CDH18: variants seen among roughly 807,000 people sequenced by gnomAD.
CDH18 encodes the protein cadherin 18.
CDH18 carries 31 observed loss-of-function variants against 67.9 expected under a neutral mutation model. That is an observed-to-expected ratio of 0.46 (90% CI 0.34 to 0.62). CDH18 has a LOEUF of 0.62. CDH18 is among the 20% of genes least tolerant of loss of function. The probability of loss-of-function intolerance (pLI) is 0.01; values close to 1 mark genes in which losing one functional copy is unlikely to be tolerated. For missense variants in CDH18, 890 were observed against 975.5 expected (o/e 0.91, Z 1.17); for synonymous variants, 362 against 347.2 (o/e 1.04, Z -0.48).
chr5:19,826,258 G>T (rs1780394040), intron 3 of CDH18, among the ~76,000 whole-genome samples: 1 of 152,114 alleles, frequency 6.6e-6, no homozygotes, highest in African/African-American at 2.4e-5. Context: ...TGACTCAGTG[G>T]CTCGCTGAAA....
intron 9 of CDH18, among the ~76,000 whole-genome samples, chr5:19,524,583 T>C (rs1747440395): frequency 6.6e-6 from 1 of 152,066 alleles, no homozygotes; most frequent in Non-Finnish European, 1.5e-5. Context: ...ACTACATACA[T>C]ATATATTTTC....
chr5:19,758,198 C>T (rs926733932), intron 3 of CDH18, among the ~76,000 whole-genome samples: 1 of 152,146 alleles, frequency 6.6e-6, no homozygotes, highest in Non-Finnish European at 1.5e-5. Flanking sequence ...GTGTATGACC[C>T]ACTTTATGGC....
chr5:20,013,442 C>T (rs1420074815), intron 2 of CDH18, among the ~76,000 whole-genome samples: 2 of 152,024 alleles, frequency 1.3e-5, no homozygotes, highest in African/African-American at 2.4e-5. Flanking sequence ...TAGGGCTTGA[C>T]TTATGAGGTT....
At chr5:20,538,494 C>A (rs951295035) in intron 1 of CDH18, among the ~76,000 whole-genome samples, 43 of 152,142 alleles carry the variant, frequency 2.8e-4, no homozygotes, top group Non-Finnish European at 7.3e-5. Flanking sequence ...GAATAACAAG[C>A]TGCTCAGTAG....
intron 2 of CDH18, among the ~76,000 whole-genome samples, chr5:20,121,803 C>G (rs1011487582): frequency 6.6e-6 from 1 of 152,088 alleles, no homozygotes; most frequent in Non-Finnish European, 1.5e-5. Context: ...GAATTTCTGC[C>G]TTTCTTCTGT....
At chr5:20,283,245 A>C (rs1746424685) in intron 1 of CDH18, among the ~76,000 whole-genome samples, 1 of 152,144 alleles carries the variant, frequency 6.6e-6, no homozygotes, top group East Asian at 1.9e-4. Context: ...CAAAGCAAAA[A>C]TGGGCAAATG....
intron 1 of CDH18, among the ~76,000 whole-genome samples, chr5:20,328,848 C>T (rs1212978925): frequency 6.6e-6 from 1 of 152,106 alleles, no homozygotes; most frequent in African/African-American, 2.4e-5. Context: ...GCACATAGTG[C>T]CTTGTGCCTG....
In CDH18 at chr5:20,050,479, G is replaced by A. The variant is rs113300117; in HGVS notation, c.-517-58465C>T. On this transcript the variant is annotated intron_variant, in intron 2 of 14. Coordinates refer to the CDH18 transcript ENST00000507958. The stretch of plus-strand genomic sequence containing the variant: ...AAGTCAATGGTTTACAAATGTTTAA[G>A]CTCACATTGTAGTTATTTTTGAAAT... Among the ~76,000 whole-genome samples the A allele has an allele frequency of 3.0e-4, 45 of 151,866 alleles. 1 individual carries two copies. The highest frequency in any genetic ancestry group is 1.0e-3 in the African/African-American group (43 of 41,502).
chr5:20,125,896 A>G (rs1748779449), intron 2 of CDH18, among the ~76,000 whole-genome samples: 1 of 152,282 alleles, frequency 6.6e-6, no homozygotes, highest in South Asian at 2.1e-4. Flanking sequence ...CCCCAAAGCC[A>G]TCTACCAATT....
intron 2 of CDH18, among the ~76,000 whole-genome samples, chr5:20,103,880 C>T (rs941573772): frequency 1.6e-4 from 24 of 150,694 alleles, no homozygotes; most frequent in African/African-American, 5.8e-4. Flanking sequence ...GAAGGTTAAC[C>T]TGTACTACCC....
intron 1 of CDH18, among the ~76,000 whole-genome samples, chr5:20,482,101 A>G (rs940114814): frequency 6.6e-6 from 1 of 151,920 alleles, no homozygotes; most frequent in African/African-American, 2.4e-5. Context: ...ATGGAAAAGG[A>G]GACATTACGA....
intron 2 of CDH18, among the ~76,000 whole-genome samples, chr5:20,066,652 T>A (rs546761824): frequency 6.6e-6 from 1 of 152,082 alleles, no homozygotes; most frequent in East Asian, 1.9e-4. Context: ...TGAACAAATA[T>A]AATAATAAAT....
intron 1 of CDH18, among the ~76,000 whole-genome samples, chr5:20,351,189 T>C (rs57500112): frequency 0.022 from 3,224 of 144,108 alleles, 69 homozygotes; most frequent in African/African-American, 0.057. Context: ...TGTGTGTGTG[T>C]GTGCGTGTGT....
At chr5:19,585,468 T>C (rs1744004895) in intron 7 of CDH18, among the ~76,000 whole-genome samples, 1 of 152,190 alleles carries the variant, frequency 6.6e-6, no homozygotes, top group Admixed American at 6.5e-5. Flanking sequence ...TGCTTCTATC[T>C]TCTGTCCTAT....
At chr5:19,798,833 C>T (rs949375949) in intron 3 of CDH18, among the ~76,000 whole-genome samples, 1 of 151,868 alleles carries the variant, frequency 6.6e-6, no homozygotes, top group African/African-American at 2.4e-5. Flanking sequence ...GACATGATAA[C>T]ATATCTTTGG....
intron 3 of CDH18, among the ~76,000 whole-genome samples, chr5:19,787,809 T>TTATATATATATATATATATATATATA (rs35850823): frequency 1.0e-3 from 151 of 144,284 alleles, no homozygotes; most frequent in Non-Finnish European, 1.5e-3. Flanking sequence ...TAATTTACAG[T>TTATATATATATATATATATATATATA]TATATATATA....
chr5:20,160,216 C>A (rs954974084), intron 2 of CDH18, among the ~76,000 whole-genome samples: 2 of 152,146 alleles, frequency 1.3e-5, no homozygotes, highest in African/African-American at 2.4e-5. Context: ...ATAAAAATGA[C>A]CTGTTTAACT....
chr5:20,373,146 A>T (rs993748395), intron 1 of CDH18, among the ~76,000 whole-genome samples: 4 of 152,210 alleles, frequency 2.6e-5, no homozygotes, highest in African/African-American at 9.6e-5. Context: ...TTACAAATTC[A>T]CACTGATTAT....
chr5:19,901,871 T>C (rs1789971782), intron 2 of CDH18, among the ~76,000 whole-genome samples: 1 of 151,946 alleles, frequency 6.6e-6, no homozygotes, highest in East Asian at 1.9e-4. Context: ...CATCTCAGCA[T>C]CTCATTCAAT....
Sources: gnomAD v4.1 joint callset for allele counts (sites outside exome capture counted in the v4.1 genomes callset) on GRCh38, gnomAD v4.1.1 for gene constraint, MANE v1.5 for transcripts, NCBI Gene and HGNC (gene_info 2026-07-23, HGNC 2026-07-21) for gene names.